The following ROBO1 variants were observed in gnomAD, a reference collection of about 807,000 sequenced individuals.
ROBO1 encodes the protein roundabout homolog 1.
ROBO1 carries 149 observed loss-of-function variants against 195.9 expected under a neutral mutation model. The ratio of observed to expected loss-of-function variants is 0.76; its 90% confidence interval spans 0.67 to 0.87. ROBO1 has a LOEUF of 0.87. Ranked by LOEUF, ROBO1 falls within the 40% of genes least tolerant of loss-of-function variation. ROBO1 has a pLI of 0.00. For synonymous variants in ROBO1, 816 were observed against 733.2 expected (o/e 1.11, Z -1.82); for missense variants, 1,933 against 2,068.3 (o/e 0.93, Z 1.27).
intron 1 of ROBO1, among the ~76,000 whole-genome samples, chr3:79,748,887 G>A (rs1408932535): frequency 1.3e-5 from 2 of 152,156 alleles, no homozygotes; most frequent in African/African-American, 4.8e-5. Context: ...TCTCAGGCAT[G>A]TCTTCATCAG....
chr3:79,365,027 C>T (rs1354409528), intron 2 of ROBO1, among the ~76,000 whole-genome samples: 1 of 152,188 alleles, frequency 6.6e-6, no homozygotes, highest in African/African-American at 2.4e-5. Context: ...TCATTCCTCA[C>T]TCTATAGCTA....
intron 3 of ROBO1, among the ~76,000 whole-genome samples, chr3:79,020,721 C>T (rs1479643787): frequency 6.6e-6 from 1 of 151,994 alleles, no homozygotes; most frequent in African/African-American, 2.4e-5. Flanking sequence ...AATAAAAAGA[C>T]ACACTATGTG....
chr3:79,083,244 G>A (rs963483323), intron 3 of ROBO1, among the ~76,000 whole-genome samples: 3 of 151,974 alleles, frequency 2.0e-5, no homozygotes, highest in Non-Finnish European at 4.4e-5. Flanking sequence ...GGAAAGAGTT[G>A]ATAATGGACA....
chr3:79,606,566 C>A (rs553799454), intron 1 of ROBO1, among the ~76,000 whole-genome samples: 3 of 152,108 alleles, frequency 2.0e-5, no homozygotes, highest in African/African-American at 7.2e-5. Context: ...GCATTCACCA[C>A]TGTGCCCAGC....
intron 2 of ROBO1, among the ~76,000 whole-genome samples, chr3:79,471,435 A>C (rs1285003902): frequency 6.6e-6 from 1 of 152,282 alleles, no homozygotes; most frequent in South Asian, 2.1e-4. Context: ...ATTTCTATCA[A>C]TATCAGATAT....
At chr3:79,142,212 G>C (rs1576728770) in intron 2 of ROBO1, among the ~76,000 whole-genome samples, 1 of 152,288 alleles carries the variant, frequency 6.6e-6, no homozygotes, top group East Asian at 1.9e-4. Flanking sequence ...TATCTTAAAA[G>C]ATATTAGGCT....
chr3:78,606,646 AC>A (rs1703472213), intron 29 of ROBO1, 86 bp downstream of exon 29: 2 of 1,348,888 alleles, frequency 1.5e-6, no homozygotes, highest in African/African-American at 1.5e-5. Flanking sequence ...TAATCTTACC[AC>A]TTTTTACATG....
At chr3:78,795,235 A>G (rs2084148476) in intron 4 of ROBO1, among the ~76,000 whole-genome samples, 1 of 152,236 alleles carries the variant, frequency 6.6e-6, no homozygotes, top group Admixed American at 6.5e-5. Flanking sequence ...TAAAAGTCAG[A>G]GCACCAACTC....
At chr3:78,864,635 T>C (rs1346870155) in intron 4 of ROBO1, among the ~76,000 whole-genome samples, 9 of 152,076 alleles carry the variant, frequency 5.9e-5, no homozygotes, top group Non-Finnish European at 2.9e-5. Context: ...GTAACCATTT[T>C]AGTATCTAAT....
chr3:78,915,069 C>G (rs934697518), intron 4 of ROBO1, among the ~76,000 whole-genome samples: 2 of 151,996 alleles, frequency 1.3e-5, no homozygotes, highest in Non-Finnish European at 2.9e-5. Context: ...ACAGGTCCTA[C>G]CAGGGCACTC....
Position 78,662,187 on chromosome 3 carries a change from A to G in ROBO1, c.1967-73T>C, listed in dbSNP as rs185069014. ...AACGGAATGAAAGCATGGTGAAACA[A>G]ACTGTTCATTCATAGCAACTCTCAG... On this transcript the variant is annotated intron_variant, in intron 14 of 30. Coordinates refer to ENST00000464233, the MANE Select transcript of ROBO1 (RefSeq NM_002941.4). 2.8e-6 allele frequency: 4 copies of G among 1,451,754 alleles called. No homozygotes were observed. In the Admixed American group the frequency reaches 8.8e-5, roughly 32 times the overall value. 89.9% of individuals were successfully genotyped at this position (1,451,754 alleles called of 1,614,324 possible).
At chr3:78,768,461 C>T (rs952012386) in intron 4 of ROBO1, among the ~76,000 whole-genome samples, 1 of 151,102 alleles carries the variant, frequency 6.6e-6, no homozygotes. Context: ...ATAGTAGAGA[C>T]AGAAAAAGAA....
intron 1 of ROBO1, among the ~76,000 whole-genome samples, chr3:79,738,867 A>T (rs142475479): frequency 1.3e-5 from 2 of 152,290 alleles, no homozygotes; most frequent in African/African-American, 4.8e-5. Context: ...AGTGAAAGAG[A>T]CACTCCAAAA....
chr3:79,239,114 T>TTC (rs2082466063), intron 2 of ROBO1, among the ~76,000 whole-genome samples: 16 of 152,186 alleles, frequency 1.1e-4, no homozygotes, highest in Admixed American at 1.0e-3. Flanking sequence ...TAGGTCTGAA[T>TTC]TATGATCAAA....
intron 1 of ROBO1, among the ~76,000 whole-genome samples, chr3:79,737,267 C>T (rs989414152): frequency 2.0e-5 from 3 of 152,036 alleles, no homozygotes; most frequent in Non-Finnish European, 2.9e-5. Context: ...CTATGAATTA[C>T]ATAATAAGCA....
intron 2 of ROBO1, among the ~76,000 whole-genome samples, chr3:79,551,756 A>C (rs1343387193): frequency 1.3e-5 from 2 of 151,980 alleles, no homozygotes; most frequent in African/African-American, 2.4e-5. Context: ...GTGACAAAGT[A>C]AATGTAGAAT....
chr3:78,857,630 C>T lies in ROBO1; in HGVS notation c.499+80971G>A, dbSNP rs565295597. On this transcript the variant is annotated intron_variant, in intron 4 of 30. Coordinates refer to ENST00000464233, the MANE Select transcript of ROBO1 (RefSeq NM_002941.4). ...TCGAAAGGCAAACTCTCAGACCCCA[C>T]CCCAGACCTGCTGACTCAGAAACTC... Among the ~76,000 whole-genome samples, 42 of 152,294 alleles carry T rather than the reference C, an allele frequency of 2.8e-4. No homozygotes were observed. In the South Asian group the frequency reaches 8.5e-3, roughly 31 times the overall value.
At chr3:79,460,088 T>G (rs1020516565) in intron 2 of ROBO1, among the ~76,000 whole-genome samples, 1 of 152,192 alleles carries the variant, frequency 6.6e-6, no homozygotes, top group African/African-American at 2.4e-5. Context: ...CATCAGTTCC[T>G]TTTATAAATT....
intron 3 of ROBO1, among the ~76,000 whole-genome samples, chr3:79,051,786 T>C (rs1266224418): frequency 1.3e-5 from 2 of 152,136 alleles, no homozygotes; most frequent in Non-Finnish European, 2.9e-5. Flanking sequence ...TAATTTCTTA[T>C]GCCTGTCTTT....
Sources: gnomAD v4.1 joint callset for allele counts (sites outside exome capture counted in the v4.1 genomes callset) on GRCh38, gnomAD v4.1.1 for gene constraint, MANE v1.5 for transcripts, NCBI Gene and HGNC (gene_info 2026-07-23, HGNC 2026-07-21) for gene names.